The following SYT14 variants were observed in gnomAD, a reference collection of about 807,000 sequenced individuals.
SYT14 encodes the protein synaptotagmin-14.
In SYT14, 32 loss-of-function variants were observed where a neutral mutation model predicts 74.2. The observed-to-expected ratio is 0.43, with a 90% CI of 0.33 to 0.58. The LOEUF is 0.58. SYT14 is among the 20% of genes least tolerant of loss of function. The pLI is 0.05. For synonymous variants in SYT14, 298 were observed against 337.7 expected (o/e 0.88, Z 1.29); for missense variants, 791 against 981.8 (o/e 0.81, Z 2.60).
At chr1:210,161,981 T>A in exon 10 of SYT14, 1 of 453,856 alleles carries the variant, frequency 2.2e-6, no homozygotes, top group Non-Finnish European at 4.4e-6. Context: ...AATTCAATTT[T>A]AATTTTCTGC....
chr1:210,153,295 T>G (rs756772439), intron 7 of SYT14, among the ~76,000 whole-genome samples: 1 of 152,196 alleles, frequency 6.6e-6, no homozygotes, highest in Non-Finnish European at 1.5e-5. Context: ...CCTCATAGTT[T>G]TCATTTCCAT....
intron 1 of SYT14, 93 bp from the exon 2 acceptor site, chr1:209,952,616 C>A (rs1438214678): frequency 2.8e-6 from 3 of 1,083,380 alleles, no homozygotes; most frequent in Non-Finnish European, 2.8e-6. Context: ...TTTTTGAGGT[C>A]ACTTTTAGGT....
chr1:209,990,636 G>T (rs111754260), intron 2 of SYT14, among the ~76,000 whole-genome samples: 1 of 136,166 alleles, frequency 7.3e-6, no homozygotes, highest in Admixed American at 7.8e-5. Flanking sequence ...GATAATACTT[G>T]TTATTTATCA....
chr1:210,107,681 A>G (rs991775052), intron 7 of SYT14, among the ~76,000 whole-genome samples: 1 of 152,196 alleles, frequency 6.6e-6, no homozygotes, highest in Non-Finnish European at 1.5e-5. Flanking sequence ...GTAAAGTTCA[A>G]CTATTCATTT....
At chr1:209,991,477 C>T (rs2079684731) in intron 2 of SYT14, among the ~76,000 whole-genome samples, 1 of 152,058 alleles carries the variant, frequency 6.6e-6, no homozygotes, top group Admixed American at 6.6e-5. Context: ...AACGGAAATG[C>T]ACAGACATTT....
chr1:210,096,883 A>G (rs2081975189), intron 6 of SYT14, among the ~76,000 whole-genome samples: 1 of 152,236 alleles, frequency 6.6e-6, no homozygotes, highest in Non-Finnish European at 1.5e-5. Context: ...CATATGTTAC[A>G]AGTTATTAAC....
chr1:210,023,774 A>G (rs1027140049), intron 5 of SYT14, among the ~76,000 whole-genome samples: 1 of 152,262 alleles, frequency 6.6e-6, no homozygotes, highest in Non-Finnish European at 1.5e-5. Context: ...TATTTCAACA[A>G]GCATGGAATA....
chr1:210,161,515 A>G (rs1448091817), exon 10 of SYT14: 1 of 453,934 alleles, frequency 2.2e-6, no homozygotes, highest in Non-Finnish European at 4.4e-6. Context: ...CAACTCTATC[A>G]TAAGTCATAT....
At chr1:209,990,558 T>C (rs200100392) in intron 2 of SYT14, among the ~76,000 whole-genome samples, 11 of 77,616 alleles carry the variant, frequency 1.4e-4, no homozygotes, top group African/African-American at 3.2e-4. Context: ...TGTATATATA[T>C]ACGTATATAT....
chr1:209,948,667 A>G (rs1022309919), intron 1 of SYT14, among the ~76,000 whole-genome samples: 4 of 152,234 alleles, frequency 2.6e-5, no homozygotes, highest in African/African-American at 4.8e-5. Context: ...ACTTTCCAAA[A>G]TACATTAAAT....
At chr1:209,977,948 C>G (rs994651800) in intron 2 of SYT14, among the ~76,000 whole-genome samples, 2 of 152,184 alleles carry the variant, frequency 1.3e-5, no homozygotes, top group Non-Finnish European at 2.9e-5. Context: ...TGCTTCATTT[C>G]ATTCACTTGA....
At chr1:210,092,648 A>C (rs1175541060) in intron 5 of SYT14, among the ~76,000 whole-genome samples, 1 of 152,184 alleles carries the variant, frequency 6.6e-6, no homozygotes, top group Non-Finnish European at 1.5e-5. Context: ...CAACATGTCT[A>C]ATCTGTCTTC....
intron 2 of SYT14, among the ~76,000 whole-genome samples, chr1:209,994,683 A>G (rs1015615717): frequency 6.6e-6 from 1 of 152,216 alleles, no homozygotes; most frequent in East Asian, 1.9e-4. Flanking sequence ...CAAAGCACAT[A>G]GCCATCAGAT....
chr1:210,101,791 T>A (rs1292935922), intron 7 of SYT14, among the ~76,000 whole-genome samples: 2 of 152,146 alleles, frequency 1.3e-5, no homozygotes, highest in African/African-American at 4.8e-5. Context: ...CACTAGTTAC[T>A]CTGTGGAAAA....
chr1:210,088,912 G>A (rs182730153), intron 5 of SYT14, among the ~76,000 whole-genome samples: 1 of 151,650 alleles, frequency 6.6e-6, no homozygotes, highest in Admixed American at 6.6e-5. Context: ...TAAGTTCTGG[G>A]ATACATGTGC....
chr1:209,995,192 A>G (rs1179240930), intron 2 of SYT14, among the ~76,000 whole-genome samples: 1 of 152,164 alleles, frequency 6.6e-6, no homozygotes, highest in Non-Finnish European at 1.5e-5. Context: ...AAAGACACAG[A>G]GTGGCAAGGT....
At chr1:210,042,095 A>C (rs954732792) in intron 5 of SYT14, among the ~76,000 whole-genome samples, 2 of 152,004 alleles carry the variant, frequency 1.3e-5, no homozygotes, top group Non-Finnish European at 2.9e-5. Flanking sequence ...TCACAACTGC[A>C]AGCAGGAGAG....
At chr1:209,969,345 A>C (rs184286449) in intron 2 of SYT14, among the ~76,000 whole-genome samples, 28 of 152,232 alleles carry the variant, frequency 1.8e-4, no homozygotes, top group African/African-American at 6.7e-4. Flanking sequence ...TGGCTAAACT[A>C]ATTTACATTA....
chr1:210,130,111 A>G (rs2082643734), intron 7 of SYT14, among the ~76,000 whole-genome samples: 1 of 152,234 alleles, frequency 6.6e-6, no homozygotes, highest in Admixed American at 6.5e-5. Flanking sequence ...TCAGAAAACT[A>G]TTATAAAACT....
Sources: allele counts gnomAD v4.1 joint callset (sites outside exome capture counted in the v4.1 genomes callset), GRCh38; gene constraint gnomAD v4.1.1; transcripts MANE v1.5; gene names NCBI Gene and HGNC (gene_info 2026-07-23, HGNC 2026-07-21).